Variants in SGCZ observed in about 807,000 individuals in gnomAD.
SGCZ encodes the protein zeta-sarcoglycan.
A neutral mutation model predicts 41.3 loss-of-function variants in SGCZ; 40 were observed. The ratio of observed to expected loss-of-function variants is 0.97; its 90% confidence interval spans 0.75 to 1.26. The LOEUF is 1.26. Among genes scored for constraint, SGCZ ranks in the 50% most tolerant of loss-of-function variants. SGCZ has a pLI of 0.00. For synonymous variants in SGCZ, 206 were observed against 137.5 expected (o/e 1.50, Z -3.49); for missense variants, 552 against 369.8 (o/e 1.49, Z -4.04).
chr8:15,047,546 A>G (rs958855361), intron 1 of SGCZ, among the ~76,000 whole-genome samples: 1 of 152,044 alleles, frequency 6.6e-6, no homozygotes, highest in African/African-American at 2.4e-5. Context: ...CTACTACAAC[A>G]TAATACAAAA....
At chr8:14,682,677 G>A (rs1808488013) in intron 1 of SGCZ, among the ~76,000 whole-genome samples, 5 of 152,158 alleles carry the variant, frequency 3.3e-5, no homozygotes, top group African/African-American at 1.2e-4. Flanking sequence ...CTTGTGATCG[G>A]CCCGCCTCGG....
At chr8:14,918,099 G>A (rs549304103) in intron 1 of SGCZ, among the ~76,000 whole-genome samples, 7 of 152,262 alleles carry the variant, frequency 4.6e-5, no homozygotes, top group African/African-American at 1.7e-4. Flanking sequence ...TCATACTTCA[G>A]ATCCAAGAAG....
intron 1 of SGCZ, among the ~76,000 whole-genome samples, chr8:14,829,234 G>GACAGGCCCCAGTGCATATTGTTGCCC (rs747994306): frequency 6.6e-6 from 1 of 151,404 alleles, no homozygotes; most frequent in Non-Finnish European, 1.5e-5. Context: ...TATTGTTGCC[G>GACAGGCCCCAGTGCATATTGTTGCCC]TCTATATATC....
intron 1 of SGCZ, among the ~76,000 whole-genome samples, chr8:15,020,567 C>G (rs1803213833): frequency 2.6e-5 from 4 of 152,120 alleles, no homozygotes; most frequent in Non-Finnish European, 5.9e-5. Flanking sequence ...AAAATATTAA[C>G]TTGCACTTTT....
intron 4 of SGCZ, among the ~76,000 whole-genome samples, chr8:14,199,284 C>T (rs1194104653): frequency 6.6e-6 from 1 of 152,160 alleles, no homozygotes; most frequent in Non-Finnish European, 1.5e-5. Flanking sequence ...CCCTGTCTCC[C>T]ATAGCACTCC....
intron 2 of SGCZ, among the ~76,000 whole-genome samples, chr8:14,515,324 G>C (rs1222577882): frequency 1.3e-5 from 2 of 152,056 alleles, no homozygotes; most frequent in African/African-American, 4.8e-5. Flanking sequence ...TATCCTGTAA[G>C]TCACAACATT....
intron 2 of SGCZ, 125 bp downstream of exon 2, chr8:14,554,607 T>G: frequency 1.3e-6 from 1 of 786,704 alleles, no homozygotes; most frequent in South Asian, 2.2e-5. Context: ...TTATTTTCTT[T>G]GGGATTTAAA....
intron 2 of SGCZ, among the ~76,000 whole-genome samples, chr8:14,338,966 G>C (rs1802601845): frequency 6.6e-6 from 1 of 152,136 alleles, no homozygotes; most frequent in Non-Finnish European, 1.5e-5. Context: ...TTAAGGCAAA[G>C]GTAAGGCTGA....
intron 2 of SGCZ, among the ~76,000 whole-genome samples, chr8:14,329,254 T>C (rs907618406): frequency 2.0e-5 from 3 of 152,188 alleles, no homozygotes; most frequent in African/African-American, 7.2e-5. Context: ...ATGTTGTCTA[T>C]CTAAACCCAA....
intron 4 of SGCZ, among the ~76,000 whole-genome samples, chr8:14,227,551 C>A (rs1247840164): frequency 6.6e-6 from 1 of 151,894 alleles, no homozygotes; most frequent in Non-Finnish European, 1.5e-5. Context: ...TATAAAATAT[C>A]TAGAAATAAT....
chr8:14,348,508 C>A (rs1045640891), intron 2 of SGCZ, among the ~76,000 whole-genome samples: 8 of 152,074 alleles, frequency 5.3e-5, no homozygotes, highest in South Asian at 2.1e-4. Flanking sequence ...CGTCTCTAAT[C>A]CCATAGATTG....
At chr8:15,089,070 G>T (rs575345112) in intron 1 of SGCZ, among the ~76,000 whole-genome samples, 3 of 152,140 alleles carry the variant, frequency 2.0e-5, no homozygotes, top group East Asian at 1.9e-4. Context: ...TGGAAAAAAC[G>T]ATCTCCAACT....
intron 2 of SGCZ, among the ~76,000 whole-genome samples, chr8:14,493,583 G>A (rs1216284923): frequency 1.3e-5 from 2 of 150,952 alleles, no homozygotes; most frequent in East Asian, 2.0e-4. Flanking sequence ...GGCCAATATG[G>A]TCTCGATATC....
At chr8:15,106,158 C>T (rs914920155) in intron 1 of SGCZ, among the ~76,000 whole-genome samples, 3 of 151,962 alleles carry the variant, frequency 2.0e-5, no homozygotes, top group Non-Finnish European at 4.4e-5. Flanking sequence ...GTTTATTTTT[C>T]CACATGAACA....
At chr8:14,304,022 G>C (rs1396496663) in intron 3 of SGCZ, among the ~76,000 whole-genome samples, 1 of 152,070 alleles carries the variant, frequency 6.6e-6, no homozygotes, top group African/African-American at 2.4e-5. Context: ...AAAGTGCTAG[G>C]ATTGCAGGCG....
intron 4 of SGCZ, among the ~76,000 whole-genome samples, chr8:14,166,789 A>G (rs1804224906): frequency 6.9e-6 from 1 of 144,966 alleles, no homozygotes; most frequent in Non-Finnish European, 1.5e-5. Flanking sequence ...ACTGTTAGAA[A>G]AATAAGTGGA....
At chr8:15,006,807 T>G (rs1802621424) in intron 1 of SGCZ, among the ~76,000 whole-genome samples, 1 of 152,146 alleles carries the variant, frequency 6.6e-6, no homozygotes. Context: ...GAACCTGCAT[T>G]CGACAAGATT....
At chr8:14,120,419 G>C (rs1802662516) in intron 5 of SGCZ, among the ~76,000 whole-genome samples, 1 of 152,066 alleles carries the variant, frequency 6.6e-6, no homozygotes, top group African/African-American at 2.4e-5. Flanking sequence ...AAACTTATTG[G>C]TGACATGCTG....
At chr8:14,727,263 G>A (rs961735986) in intron 1 of SGCZ, among the ~76,000 whole-genome samples, 10 of 152,106 alleles carry the variant, frequency 6.6e-5, no homozygotes, top group African/African-American at 2.4e-4. Flanking sequence ...AAAAATGAAA[G>A]CCACAGTAAG....
Sources: gnomAD v4.1 joint callset for allele counts (sites outside exome capture counted in the v4.1 genomes callset) on GRCh38, gnomAD v4.1.1 for gene constraint, MANE v1.5 for transcripts, NCBI Gene and HGNC (gene_info 2026-07-23, HGNC 2026-07-21) for gene names.